Variants in WWOX observed in about 807,000 individuals in gnomAD.
WWOX encodes the protein WW domain-containing oxidoreductase.
WWOX carries 69 observed loss-of-function variants against 46.2 expected under a neutral mutation model. The ratio of observed to expected loss-of-function variants is 1.49; its 90% CI spans 1.23 to 1.82. The LOEUF is 1.82. WWOX is among the 40% of genes most tolerant of loss of function. The pLI is 0.00. For synonymous variants in WWOX, 359 were observed against 202.6 expected, an observed-to-expected ratio of 1.77 and a Z score of -6.56; for missense variants, 919 against 542.6, an observed-to-expected ratio of 1.69 and a Z score of -6.89.
chr16:78,558,069 C>T lies in WWOX; in HGVS notation c.1056+125317C>T, dbSNP rs140669570. On this transcript the variant is annotated intron_variant, in intron 8 of 8. Coordinates refer to ENST00000566780, the MANE Select transcript of WWOX (RefSeq NM_016373.4). Reference sequence around the variant, plus strand: ...TGAGCATTTGTTGACTAACTTAGGTCACAGATGTGGGGCTGTGATTCTGAA... The same window carrying T: ...TGAGCATTTGTTGACTAACTTAGGTTACAGATGTGGGGCTGTGATTCTGAA... 6.7e-3 allele frequency among the ~76,000 whole-genome samples: 1,013 copies of T among 152,140 alleles called. 5 individuals are homozygous for T. The highest frequency in any genetic ancestry group is 0.023 in the African/African-American group (941 of 41,516).
At chr16:78,908,501 C>G (rs566830064) in intron 8 of WWOX, among the ~76,000 whole-genome samples, 140 of 150,420 alleles carry the variant, frequency 9.3e-4, no homozygotes, top group African/African-American at 3.2e-3. Context: ...GATCACACCA[C>G]TGCACTCCAG....
intron 8 of WWOX, among the ~76,000 whole-genome samples, chr16:79,123,430 G>A (rs530488801): frequency 9.2e-5 from 14 of 152,298 alleles, no homozygotes; most frequent in Admixed American, 2.0e-4. Flanking sequence ...CAGCTGGGGA[G>A]TGAATCTGTC....
At chr16:78,778,021 G>C (rs1377674586) in intron 8 of WWOX, among the ~76,000 whole-genome samples, 1 of 149,362 alleles carries the variant, frequency 6.7e-6, no homozygotes, top group Non-Finnish European at 1.5e-5. Context: ...CTCCAGCCTG[G>C]GTGACAGAGT....
intron 8 of WWOX, among the ~76,000 whole-genome samples, chr16:79,048,777 C>G (rs111266115): frequency 2.2e-4 from 33 of 152,288 alleles, no homozygotes; most frequent in African/African-American, 6.7e-4. Context: ...GCAGGAGCCT[C>G]GTTACCACCT....
chr16:78,320,319 C>G (rs113959099), intron 5 of WWOX, among the ~76,000 whole-genome samples: 1 of 152,140 alleles, frequency 6.6e-6, no homozygotes, highest in East Asian at 1.9e-4. Context: ...TTTTTATCCC[C>G]TTCGGTGTAG....
intron 8 of WWOX, among the ~76,000 whole-genome samples, chr16:78,434,567 C>G (rs946171393): frequency 6.6e-6 from 1 of 152,188 alleles, no homozygotes; most frequent in Non-Finnish European, 1.5e-5. Context: ...CCAGTGCCTT[C>G]CGCTTTAACA....
chr16:79,132,242 C>G (rs912618948), intron 8 of WWOX, among the ~76,000 whole-genome samples: 4 of 151,950 alleles, frequency 2.6e-5, no homozygotes, highest in East Asian at 1.9e-4. Flanking sequence ...CTTTAGTTGA[C>G]TTTATAAGTT....
intron 8 of WWOX, among the ~76,000 whole-genome samples, chr16:78,511,565 G>A (rs909694587): frequency 1.3e-5 from 2 of 152,156 alleles, no homozygotes; most frequent in African/African-American, 2.4e-5. Context: ...ATTACAGCAC[G>A]TCCTCACTTA....
At chr16:78,694,948 A>G (rs946864970) in intron 8 of WWOX, among the ~76,000 whole-genome samples, 11 of 152,188 alleles carry the variant, frequency 7.2e-5, no homozygotes, top group African/African-American at 2.4e-4. Context: ...ACATCTATGA[A>G]TATTTCCCAG....
intron 8 of WWOX, among the ~76,000 whole-genome samples, chr16:79,036,001 C>G (rs1463989873): frequency 2.0e-5 from 3 of 152,208 alleles, no homozygotes; most frequent in South Asian, 4.1e-4. Flanking sequence ...GCTTAAGAAT[C>G]TATCTTTTCC....
At chr16:78,230,557 A>G (rs1220935734) in intron 5 of WWOX, among the ~76,000 whole-genome samples, 1 of 152,248 alleles carries the variant, frequency 6.6e-6, no homozygotes, top group African/African-American at 2.4e-5. Flanking sequence ...GGCGTCTTCA[A>G]GTTAACTTAA....
Position 78,819,792 on chromosome 16 carries a change from A to G in WWOX, c.1056+387040A>G, listed in dbSNP as rs990251860. 3.9e-5 allele frequency among the ~76,000 whole-genome samples: 6 copies of G among 152,302 alleles called. 1 individual carries two copies. ...CAAGCTCACAGCATTTTCATCCGTA[A>G]ACAAAGCTTGGCAATATCTCTGATG... On this transcript the variant is annotated intron_variant, in intron 8 of 8. Transcript: ENST00000566780.
chr16:78,723,487 T>C (rs1267524267), intron 8 of WWOX, among the ~76,000 whole-genome samples: 3 of 152,184 alleles, frequency 2.0e-5, no homozygotes. Flanking sequence ...TGCATGTTTC[T>C]CTCTTTCCAG....
chr16:78,623,621 A>G (rs1389175553), intron 8 of WWOX, among the ~76,000 whole-genome samples: 1 of 151,964 alleles, frequency 6.6e-6, no homozygotes, highest in African/African-American at 2.4e-5. Flanking sequence ...CAGGGGTTGC[A>G]GTGAGTGCGG....
intron 5 of WWOX, among the ~76,000 whole-genome samples, chr16:78,290,177 G>A (rs2079837136): frequency 6.6e-6 from 1 of 152,078 alleles, no homozygotes; most frequent in South Asian, 2.1e-4. Flanking sequence ...TGTAATCCGA[G>A]GCCTTGGAAT....
chr16:78,344,461 A>G lies in WWOX; in HGVS notation c.517-42399A>G, dbSNP rs1054083415. Among the ~76,000 whole-genome samples the G allele has an allele frequency of 4.1e-5, 5 of 121,474 alleles. 1 individual carries two copies. The highest frequency in any genetic ancestry group is 1.6e-4 in the Admixed American group (2 of 12,520). The allele number at this position is 121,474 out of a possible 152,430, so 79.7% of individuals were successfully genotyped here. ...ATTACCACGAGGAACCTGTTCTCTT[A>G]TGTTTCTGCTTAGATGGCTGGGTCT... On this transcript the variant is annotated intron_variant, in intron 5 of 8. Coordinates refer to ENST00000566780, the MANE Select transcript of WWOX (RefSeq NM_016373.4).
chr16:78,620,474 T>C (rs1301360448), intron 8 of WWOX, among the ~76,000 whole-genome samples: 1 of 152,176 alleles, frequency 6.6e-6, no homozygotes, highest in East Asian at 1.9e-4. Context: ...TGGGAGAAGA[T>C]AGCTGTATCA....
At chr16:78,535,804 C>A (rs2043745671) in intron 8 of WWOX, among the ~76,000 whole-genome samples, 1 of 152,138 alleles carries the variant, frequency 6.6e-6, no homozygotes, top group African/African-American at 2.4e-5. Context: ...GAGAACCAGA[C>A]ACAAGTTGGA....
intron 8 of WWOX, among the ~76,000 whole-genome samples, chr16:79,167,734 T>C (rs1312806782): frequency 6.6e-6 from 1 of 152,246 alleles, no homozygotes; most frequent in Non-Finnish European, 1.5e-5. Context: ...CCTGCAAACA[T>C]TGTTTTAGTT....
Sources: gnomAD v4.1 joint callset for allele counts (sites outside exome capture counted in the v4.1 genomes callset) on GRCh38, gnomAD v4.1.1 for gene constraint, MANE v1.5 for transcripts, NCBI Gene and HGNC (gene_info 2026-07-23, HGNC 2026-07-21) for gene names.